Variants in ST7 observed in about 807,000 individuals in gnomAD.
The protein encoded by ST7 is suppressor of tumorigenicity 7 protein.
ST7 carries 28 observed loss-of-function variants against 78.7 expected under a neutral mutation model. The ratio of observed to expected loss-of-function variants is 0.36; its 90% CI spans 0.26 to 0.49. ST7 has a LOEUF of 0.49. ST7 is among the 20% of genes least tolerant of loss of function. The probability of loss-of-function intolerance (pLI) is 0.99; values close to 1 mark genes in which losing one functional copy is unlikely to be tolerated. For missense variants in ST7, 418 were observed against 696.0 expected (o/e 0.60, Z 4.49); for synonymous variants, 247 against 249.6 (o/e 0.99, Z 0.10).
chr7:117,019,455 GT>G (rs1795771510), intron 1 of ST7, among the ~76,000 whole-genome samples: 1 of 152,068 alleles, frequency 6.6e-6, no homozygotes, highest in African/African-American at 2.4e-5. Flanking sequence ...AAATGGGTTG[GT>G]CACAAATGCT....
intron 12 of ST7, among the ~76,000 whole-genome samples, chr7:117,202,620 A>C (rs1810983318): frequency 1.3e-5 from 2 of 152,018 alleles, no homozygotes; most frequent in Non-Finnish European, 2.9e-5. Context: ...CATCACCTGG[A>C]CTCTAACAGG....
intron 2 of ST7, among the ~76,000 whole-genome samples, chr7:117,118,657 G>A (rs1803105698): frequency 2.0e-5 from 3 of 152,156 alleles, no homozygotes; most frequent in Admixed American, 2.0e-4. Context: ...GGAATGATTT[G>A]TGACTGCCTA....
intron 1 of ST7, among the ~76,000 whole-genome samples, chr7:116,990,723 C>T (rs1794387593): frequency 6.6e-6 from 1 of 152,120 alleles, no homozygotes; most frequent in East Asian, 1.9e-4. Flanking sequence ...CTTCCATACC[C>T]ATCTATATAC....
chr7:117,227,726 TC>T (rs1793536940), intron 15 of ST7, among the ~76,000 whole-genome samples: 1 of 152,150 alleles, frequency 6.6e-6, no homozygotes, highest in South Asian at 2.1e-4. Context: ...GCCCATTGTC[TC>T]CCATGATGCC....
intron 1 of ST7, chr7:117,098,711 T>TC: frequency 8.5e-7 from 1 of 1,177,384 alleles, no homozygotes; most frequent in Admixed American, 2.9e-5. Context: ...CCAAAGCCTT[T>TC]CCCTCTAATG....
chr7:117,180,899 G>A lies in ST7; in HGVS notation c.1079-8422G>A, dbSNP rs145869277. On this transcript the variant is annotated intron_variant, in intron 10 of 15. Coordinates refer to ENST00000323984, the MANE Select transcript of ST7 (RefSeq NM_001369598.1). ...ATTCCTGGGCTCAAGTGATCCTCTT[G>A]CCTTGGCCTCCCAAAGTGCTGGGAT... Among the ~76,000 whole-genome samples, 471 of 152,218 alleles carry A rather than the reference G, an allele frequency of 3.1e-3. 2 individuals are homozygous for A. The highest frequency in any genetic ancestry group is 0.014 in the Middle Eastern group (4 of 292).
At chr7:117,116,818 TAGA>T (rs1802925824) in intron 2 of ST7, among the ~76,000 whole-genome samples, 2 of 152,200 alleles carry the variant, frequency 1.3e-5, no homozygotes, top group South Asian at 2.1e-4. Context: ...AAATACTGGG[TAGA>T]AGGTCTATCA....
chr7:117,042,248 G>A (rs1797269254), intron 1 of ST7, among the ~76,000 whole-genome samples: 1 of 152,080 alleles, frequency 6.6e-6, no homozygotes, highest in Admixed American at 6.5e-5. Flanking sequence ...GTAGTCTTTT[G>A]TATGACCATA....
intron 1 of ST7, among the ~76,000 whole-genome samples, chr7:117,005,386 A>G (rs1391410009): frequency 6.6e-6 from 1 of 152,224 alleles, no homozygotes; most frequent in Admixed American, 6.5e-5. Flanking sequence ...AGGCTAGCCC[A>G]GTTTCAGTCC....
At chr7:117,194,757 C>G (rs929570068) in intron 12 of ST7, among the ~76,000 whole-genome samples, 1 of 152,172 alleles carries the variant, frequency 6.6e-6, no homozygotes. Flanking sequence ...CTTCTTTCTG[C>G]AGATATGCTG....
At chr7:117,033,715 C>T (rs577534640) in intron 1 of ST7, among the ~76,000 whole-genome samples, 22 of 152,154 alleles carry the variant, frequency 1.4e-4, no homozygotes, top group African/African-American at 3.4e-4. Flanking sequence ...TGAGCCAGCA[C>T]GCCGAGCCTC....
In ST7 at chr7:117,110,805, A is replaced by C. The variant is rs769152371; in HGVS notation, c.235-8756A>C. ...GGGAAGCCCCAACAGCAATAAAGGGATTTCCCTAGAGCCTGGCTGCCTTTG... is the reference window on the plus strand; with the variant it reads ...GGGAAGCCCCAACAGCAATAAAGGGCTTTCCCTAGAGCCTGGCTGCCTTTG... On this transcript the variant is annotated intron_variant, in intron 2 of 15. Coordinates refer to ENST00000323984, the MANE Select transcript of ST7 (RefSeq NM_001369598.1). 3.3e-5 allele frequency among the ~76,000 whole-genome samples: 5 copies of C among 152,164 alleles called. No individual in the cohort carries two copies. In the East Asian group the frequency reaches 5.8e-4, roughly 18 times the overall value.
intron 12 of ST7, among the ~76,000 whole-genome samples, chr7:117,209,165 G>A (rs1447468878): frequency 6.6e-6 from 1 of 152,092 alleles, no homozygotes; most frequent in Non-Finnish European, 1.5e-5. Flanking sequence ...TGTACGCTGA[G>A]ACCCCCATCC....
chr7:117,130,829 T>A (rs2117019112), intron 5 of ST7: 2 of 405,896 alleles, frequency 4.9e-6, no homozygotes, highest in East Asian at 4.0e-5. Flanking sequence ...TCATGATTTT[T>A]AAAAATATAT....
chr7:117,062,581 A>AT (rs938624574), intron 1 of ST7, among the ~76,000 whole-genome samples: 6 of 152,018 alleles, frequency 3.9e-5, no homozygotes, highest in Admixed American at 1.3e-4. Flanking sequence ...TCATGTGTTT[A>AT]TTTTTTTCCC....
At chr7:116,995,967 G>A (rs1331288440) in intron 1 of ST7, among the ~76,000 whole-genome samples, 1 of 152,030 alleles carries the variant, frequency 6.6e-6, no homozygotes, top group Non-Finnish European at 1.5e-5. Context: ...GGCCATCTTG[G>A]ATTTCCTAGT....
intron 1 of ST7, among the ~76,000 whole-genome samples, chr7:117,077,310 C>G (rs992524450): frequency 6.6e-6 from 1 of 152,056 alleles, no homozygotes; most frequent in Non-Finnish European, 1.5e-5. Context: ...CACTTTGGGC[C>G]GTGGTTTCAG....
At chr7:117,198,051 C>G (rs1016547280) in intron 12 of ST7, among the ~76,000 whole-genome samples, 5 of 152,128 alleles carry the variant, frequency 3.3e-5, no homozygotes, top group Admixed American at 2.6e-4. Context: ...GACTTTGTCT[C>G]TAAAAAAGAG....
At chr7:117,167,051 T>TTG (rs1807613756) in intron 9 of ST7, among the ~76,000 whole-genome samples, 1 of 143,626 alleles carries the variant, frequency 7.0e-6, no homozygotes, top group African/African-American at 2.9e-5. Context: ...ATGGTAATGA[T>TTG]TCTTTTTTTT....
Sources: allele counts gnomAD v4.1 joint callset (sites outside exome capture counted in the v4.1 genomes callset), GRCh38; gene constraint gnomAD v4.1.1; transcripts MANE v1.5; gene names NCBI Gene and HGNC (gene_info 2026-07-23, HGNC 2026-07-21).